Variants in RIMS1 observed in about 807,000 individuals in gnomAD.
The protein encoded by RIMS1 is regulating synaptic membrane exocytosis protein 1.
A neutral mutation model predicts 214.1 loss-of-function variants in RIMS1; 83 were observed. That is an observed-to-expected ratio of 0.39 (90% CI 0.32 to 0.47). The LOEUF is 0.47. Ranked by LOEUF, RIMS1 falls within the 20% of genes least tolerant of loss-of-function variation. RIMS1 has a pLI of 0.99. For missense variants in RIMS1, 2,050 were observed against 2,161.8 expected (o/e 0.95, Z 1.03); for synonymous variants, 793 against 786.8 (o/e 1.01, Z -0.13).
chr6:71,946,848 G>A (rs909691657), intron 1 of RIMS1, among the ~76,000 whole-genome samples: 3 of 151,902 alleles, frequency 2.0e-5, no homozygotes, highest in East Asian at 1.9e-4. Context: ...AGAATGAGGA[G>A]ACAACCTAGG....
chr6:72,216,907 C>A (rs1275968903), intron 6 of RIMS1: 1 of 1,222,762 alleles, frequency 8.2e-7, no homozygotes, highest in Non-Finnish European at 1.0e-6. Flanking sequence ...CAGCACAGAG[C>A]ACTATAGATT....
intron 6 of RIMS1, among the ~76,000 whole-genome samples, chr6:72,227,513 G>A (rs573853199): frequency 7.2e-5 from 11 of 151,936 alleles, no homozygotes; most frequent in Admixed American, 5.3e-4. Context: ...GCTTTGTAGA[G>A]TTGTGTCATG....
At chr6:72,035,461 C>A (rs779634975) in intron 2 of RIMS1, among the ~76,000 whole-genome samples, 1 of 152,034 alleles carries the variant, frequency 6.6e-6, no homozygotes, top group Non-Finnish European at 1.5e-5. Flanking sequence ...GGGCATTAGA[C>A]CCCCCTCCTT....
rs1252426163 is a variant in RIMS1 at position 72,235,022 on chromosome 6, A to T, written c.1747-596A>T. The stretch of plus-strand genomic sequence containing the variant: ...GATATTATAAATGAAAATATTTTTC[A>T]ATAATGATTTCTAAGTTACTCTGCC... On this transcript the variant is annotated intron_variant, in intron 7 of 33. Transcript: ENST00000521978. Among the ~76,000 whole-genome samples the T allele has an allele frequency of 3.9e-5, 6 of 152,202 alleles. No homozygotes were observed. The East Asian group carries it at 7.7e-4, about 20-fold the overall frequency.
intron 2 of RIMS1, among the ~76,000 whole-genome samples, chr6:72,067,076 T>C (rs1829492090): frequency 6.6e-6 from 1 of 152,150 alleles, no homozygotes. Context: ...CCAGAGCAAT[T>C]CATATCTGTT....
intron 4 of RIMS1, among the ~76,000 whole-genome samples, chr6:72,150,531 G>C (rs1215154716): frequency 6.6e-6 from 1 of 152,124 alleles, no homozygotes; most frequent in Admixed American, 6.5e-5. Context: ...TATTTGTGAG[G>C]AAAAATATTC....
intron 29 of RIMS1, among the ~76,000 whole-genome samples, chr6:72,351,022 A>G (rs944165686): frequency 6.6e-6 from 1 of 152,102 alleles, no homozygotes; most frequent in Non-Finnish European, 1.5e-5. Context: ...CTTTCTTCTC[A>G]TCTAAAAAAT....
chr6:72,219,918 T>C (rs1317034178), intron 6 of RIMS1, among the ~76,000 whole-genome samples: 1 of 152,126 alleles, frequency 6.6e-6, no homozygotes, highest in Non-Finnish European at 1.5e-5. Flanking sequence ...TATCTGAAAT[T>C]GTCTAAGGTA....
At chr6:72,014,117 G>A (rs1443090280) in intron 2 of RIMS1, among the ~76,000 whole-genome samples, 1 of 152,194 alleles carries the variant, frequency 6.6e-6, no homozygotes, top group Non-Finnish European at 1.5e-5. Context: ...CATGGCTGGG[G>A]AGGCCTCAGG....
intron 29 of RIMS1, among the ~76,000 whole-genome samples, chr6:72,376,246 G>A (rs1448894008): frequency 6.6e-6 from 1 of 152,142 alleles, no homozygotes; most frequent in Non-Finnish European, 1.5e-5. Flanking sequence ...AGTCTGTGAA[G>A]TGTAAGTTTT....
chr6:72,245,666 C>T, intron 10 of RIMS1, 149 bp from the exon 11 acceptor site: 1 of 561,980 alleles, frequency 1.8e-6, no homozygotes, highest in East Asian at 2.9e-5. Context: ...CATTCATGCA[C>T]ATTAGTAGTT....
chr6:72,340,244 C>T (rs1218032174), intron 29 of RIMS1, among the ~76,000 whole-genome samples: 1 of 152,018 alleles, frequency 6.6e-6, no homozygotes, highest in East Asian at 1.9e-4. Context: ...TGCCTGTTCA[C>T]TCTGATGGTA....
At position 72,265,028 on chromosome 6, in the gene RIMS1, G is replaced by C; in HGVS notation, c.3170G>C (p.Ser1057Thr). Reference sequence around the variant, plus strand: ...CCTCCCAAGATGCCTTTATTACAGAGCAGTTCTCACTGGAATATTTACAGG... The same window carrying C: ...CCTCCCAAGATGCCTTTATTACAGACCAGTTCTCACTGGAATATTTACAGG... ...TLPPKMPLLQ[S>T]SSHWNIYSSI... Residue 1057 changes from serine to threonine, a missense_variant, in exon 20 of 34, where the codon AGC becomes ACC. Physicochemically the swap from Ser to Thr is moderately conservative, Grantham distance 58. Transcript: ENST00000521978. 1 of 1,591,746 alleles carries C rather than the reference G, an allele frequency of 6.3e-7. No individual in the cohort carries two copies.
At chr6:72,322,581 A>G in intron 28 of RIMS1, among the ~76,000 whole-genome samples, 1 of 152,056 alleles carries the variant, frequency 6.6e-6, no homozygotes, top group East Asian at 1.9e-4. Context: ...ACAAGAACAA[A>G]TAATGAACAA....
intron 1 of RIMS1, among the ~76,000 whole-genome samples, chr6:71,927,631 T>G (rs6903299): frequency 0.05 from 7,672 of 152,110 alleles, 568 homozygotes; most frequent in African/African-American, 0.17. Flanking sequence ...ATTATTGAAT[T>G]ATACCGAAGA....
Position 72,313,672 on chromosome 6 carries a change from G to T in RIMS1, c.4130G>T (p.Ser1377Ile). 1 of 1,610,786 alleles carries T rather than the reference G, an allele frequency of 6.2e-7. No individual in the cohort carries two copies. The highest frequency in any genetic ancestry group is 2.2e-5 in the East Asian group (1 of 44,820). ...TCTGAGCGCCCCAGGGGTAGAATCA[G>T]GTGAGTTGGCAATACTGTTTATATA... Reference protein sequence around the residue: ...EQSERPRGRISSFTPKMQGRR... With the variant: ...EQSERPRGRIISFTPKMQGRR... Residue 1377 changes from serine (S) to isoleucine (I), a missense_variant and splice_region_variant, in exon 28 of 34, where the codon AGT (serine) becomes ATT (isoleucine). Transcript: ENST00000521978.
intron 32 of RIMS1, 96 bp downstream of exon 32, chr6:72,398,446 G>A: frequency 4.3e-6 from 3 of 692,106 alleles, no homozygotes; most frequent in Non-Finnish European, 4.7e-6. Flanking sequence ...GCTCTGTTTT[G>A]CATCATCTGA....
At position 72,299,198 on chromosome 6, in the gene RIMS1, G is replaced by A. The variant is rs543170305; in HGVS notation, c.3850+7152G>A. Reference sequence around the variant, plus strand: ...TCAAGGTGAGAAAAATGTTATTGTCGTAATAAATTTATGATTTATATGCCT... The same window carrying A: ...TCAAGGTGAGAAAAATGTTATTGTCATAATAAATTTATGATTTATATGCCT... On this transcript the variant is annotated intron_variant, in intron 26 of 33. Coordinates refer to ENST00000521978, the MANE Select transcript of RIMS1 (RefSeq NM_014989.7). Among the ~76,000 whole-genome samples the A allele has an allele frequency of 1.4e-4, 21 of 151,876 alleles. No individual in the cohort carries two copies. The South Asian group carries it at 1.5e-3, about 11-fold the overall frequency.
At chr6:72,068,111 AT>A (rs1336554933) in intron 2 of RIMS1, among the ~76,000 whole-genome samples, 3 of 152,140 alleles carry the variant, frequency 2.0e-5, no homozygotes, top group Admixed American at 1.3e-4. Context: ...CTTCTTTTTC[AT>A]GCCTGGAAGA....
Sources: gnomAD v4.1 joint callset for allele counts (sites outside exome capture counted in the v4.1 genomes callset) on GRCh38, gnomAD v4.1.1 for gene constraint, MANE v1.5 for transcripts, NCBI Gene and HGNC (gene_info 2026-07-23, HGNC 2026-07-21) for gene names.